STX6: variants seen among roughly 807,000 people sequenced by gnomAD.
STX6 encodes the protein syntaxin-6.
In STX6, 23 loss-of-function variants were observed where a neutral mutation model predicts 38.0. That is an observed-to-expected ratio of 0.60 (90% CI 0.43 to 0.86). The LOEUF (loss-of-function observed/expected upper bound fraction) is 0.86. Among genes scored for constraint, STX6 ranks in the 40% least tolerant of loss-of-function variants. The pLI is 0.00. For synonymous variants in STX6, 123 were observed against 107.5 expected, an observed-to-expected ratio of 1.14 and a Z score of -0.89; for missense variants, 274 against 312.9, an observed-to-expected ratio of 0.88 and a Z score of 0.94.
intron 1 of STX6, among the ~76,000 whole-genome samples, chr1:181,020,195 A>G (rs1027394500): frequency 9.9e-5 from 15 of 152,200 alleles, no homozygotes; most frequent in African/African-American, 3.4e-4. Flanking sequence ...AGTCTGGGCA[A>G]CAGAACAAGA....
rs76002197 is a variant in STX6, at chr1:181,001,483, T to C, written c.300+1123A>G. Among the ~76,000 whole-genome samples, 1,434 of 152,360 alleles carry C rather than the reference T, an allele frequency of 9.4e-3. 14 individuals carry two copies. The highest frequency in any genetic ancestry group is 0.031 in the Middle Eastern group (9 of 294). ...TTCTAAATAACTTAGAACTAAAGAT[T>C]TGTTCACTTGGATCAATTTTTTACA... On this transcript the variant is annotated intron_variant, in intron 3 of 7. Coordinates refer to ENST00000258301, the MANE Select transcript of STX6 (RefSeq NM_005819.6).
rs1178603943 is a variant in STX6, at chr1:180,975,578, TTAATAAATG to T, written c.*983_*991del. ...CTAACCTTTTATGTCATTACGTTTCTTAATAAATGTAATAAATGTACTAACCACTCCCAA... is the reference window on the plus strand; with the variant it reads ...CTAACCTTTTATGTCATTACGTTTCTTAATAAATGTACTAACCACTCCCAA... On this transcript the variant is annotated 3_prime_UTR_variant, in exon 8 of 8. Coordinates refer to ENST00000258301, the MANE Select transcript of STX6 (RefSeq NM_005819.6). 6.6e-6 allele frequency: 1 copy of T among 152,508 alleles called. No individual in the cohort carries two copies. The highest frequency in any genetic ancestry group is 1.5e-5 in the Non-Finnish European group (1 of 68,040). The allele number at this position is 152,508 out of a possible 1,614,324, so 9.4% of individuals were successfully genotyped here.
chr1:180,988,667 G>T, intron 5 of STX6: 1 of 225,498 alleles, frequency 4.4e-6, no homozygotes, highest in South Asian at 5.5e-5. Context: ...GATGACCATT[G>T]AGACATGGGG....
intron 1 of STX6, among the ~76,000 whole-genome samples, chr1:181,008,943 G>A (rs528088641): frequency 2.0e-4 from 30 of 151,888 alleles, no homozygotes; most frequent in African/African-American, 6.3e-4. Flanking sequence ...TGCTCGGGGC[G>A]GGGGGAAAAC....
At chr1:180,995,538 A>C (rs1191826355) in intron 3 of STX6, among the ~76,000 whole-genome samples, 1 of 152,168 alleles carries the variant, frequency 6.6e-6, no homozygotes, top group East Asian at 1.9e-4. Flanking sequence ...AGCAACATTC[A>C]CTAGGGGGAT....
intron 7 of STX6, among the ~76,000 whole-genome samples, chr1:180,984,087 A>C (rs1328744118): frequency 5.3e-5 from 8 of 150,204 alleles, no homozygotes; most frequent in African/African-American, 1.2e-4. Flanking sequence ...AAAAAAAAAA[A>C]AAACACAACG....
At chr1:181,000,865 CCTA>C (rs1323434382) in intron 3 of STX6, among the ~76,000 whole-genome samples, 1 of 147,548 alleles carries the variant, frequency 6.8e-6, no homozygotes, top group Non-Finnish European at 1.5e-5. Flanking sequence ...CTTCAAAAAA[CCTA>C]CTACTACAAA....
chr1:180,998,430 TG>T (rs1000543876), intron 3 of STX6, among the ~76,000 whole-genome samples: 1 of 152,124 alleles, frequency 6.6e-6, no homozygotes, highest in Non-Finnish European at 1.5e-5. Flanking sequence ...TCTCACAGGC[TG>T]GAGTGCAGTG....
At chr1:181,014,489 C>CT (rs1656500481) in intron 1 of STX6, among the ~76,000 whole-genome samples, 1 of 152,206 alleles carries the variant, frequency 6.6e-6, no homozygotes, top group African/African-American at 2.4e-5. Context: ...TGCCACAACT[C>CT]TTTTATCTGG....
rs544429555 is a variant in STX6 at position 180,988,140 on chromosome 1, G to C, written c.596+99C>G. 9.0e-6 allele frequency: 7 copies of C among 777,160 alleles called. No individual in the cohort carries two copies. In the East Asian group the frequency reaches 1.8e-4, roughly 20 times the overall value. The allele number at this position is 777,160 out of a possible 1,614,324, so 48.1% of individuals were successfully genotyped here. A position where few individuals can be genotyped will look rare whatever the true frequency, so the allele number is the denominator to read the frequency against. On this transcript the variant is annotated intron_variant, in intron 6 of 7. Coordinates refer to ENST00000258301, the MANE Select transcript of STX6 (RefSeq NM_005819.6). ...TGCAGCTATGAATAAAATAGCTTTT[G>C]ATTTTACCAGCCACGTAGCTGCCAG... is the stretch of plus-strand genomic sequence containing the variant.
rs993193059 is a variant in STX6, at chr1:180,973,179, A to C, written c.*3391T>G. On this transcript the variant is annotated 3_prime_UTR_variant, in exon 8 of 8. Transcript: ENST00000258301. ...GAGGCAGTACATTCCATATTTCAGA[A>C]CTTTAGCTTTCCAGACAGTCCAATT... 6.6e-6 allele frequency: 1 copy of C among 152,326 alleles called. No homozygotes were observed. The highest frequency in any genetic ancestry group is 2.4e-5 in the African/African-American group (1 of 41,444). 9.4% of individuals were successfully genotyped at this position (152,326 alleles called of 1,614,324 possible). A position where few individuals can be genotyped will look rare whatever the true frequency, so the allele number is the denominator to read the frequency against.
chr1:180,987,728 T>C (rs955600486), intron 6 of STX6: 2 of 152,192 alleles, frequency 1.3e-5, no homozygotes, highest in Admixed American at 1.3e-4. Context: ...ACTGAGGTTA[T>C]GTTTTGTTTT....
At chr1:180,994,201 AAC>A (rs1278048212) in intron 3 of STX6, among the ~76,000 whole-genome samples, 14 of 152,242 alleles carry the variant, frequency 9.2e-5, no homozygotes, top group Non-Finnish European at 1.3e-4. Flanking sequence ...TGACTGCAAC[AAC>A]AGTTTTTAAA....
chr1:180,979,852 G>A (rs1245239963), intron 7 of STX6, among the ~76,000 whole-genome samples: 1 of 101,834 alleles, frequency 9.8e-6, no homozygotes, highest in Non-Finnish European at 2.3e-5. Context: ...AAACTCACCA[G>A]TATGAAAACT....
At chr1:180,986,114 TG>T (rs1405502078) in intron 6 of STX6, among the ~76,000 whole-genome samples, 1 of 152,260 alleles carries the variant, frequency 6.6e-6, no homozygotes, top group Non-Finnish European at 1.5e-5. Context: ...CTTTTCATAC[TG>T]AAGACAAAAC....
At chr1:180,977,244 A>AT (rs1655281765) in intron 7 of STX6, among the ~76,000 whole-genome samples, 1 of 152,236 alleles carries the variant, frequency 6.6e-6, no homozygotes, top group African/African-American at 2.4e-5. Flanking sequence ...TGAAAGTGGA[A>AT]TTTTTTTTCT....
intron 4 of STX6, among the ~76,000 whole-genome samples, chr1:180,991,062 C>A (rs1655743862): frequency 6.6e-6 from 1 of 152,152 alleles, no homozygotes; most frequent in African/African-American, 2.4e-5. Context: ...TAAAAAAAAT[C>A]TCAGGCACTA....
intron 2 of STX6, among the ~76,000 whole-genome samples, chr1:181,004,577 C>T (rs919319656): frequency 1.3e-5 from 2 of 152,218 alleles, no homozygotes. Context: ...TTCCTGGAGG[C>T]ACCTGAAGAG....
chr1:181,007,520 T>C (rs536548293), intron 1 of STX6, among the ~76,000 whole-genome samples: 1 of 152,322 alleles, frequency 6.6e-6, no homozygotes, highest in East Asian at 1.9e-4. Flanking sequence ...TGTAAAGACA[T>C]CTTTTAAAGA....
Sources: gnomAD v4.1 joint callset for allele counts (sites outside exome capture counted in the v4.1 genomes callset) on GRCh38, gnomAD v4.1.1 for gene constraint, MANE v1.5 for transcripts, NCBI Gene and HGNC (gene_info 2026-07-23, HGNC 2026-07-21) for gene names.